Variants in FAM20B observed in about 807,000 individuals in gnomAD.
FAM20B encodes the protein FAM20B glycosaminoglycan xylosylkinase.
Under a neutral mutation model 43.8 loss-of-function variants are expected in FAM20B, and 23 were observed. That is an observed-to-expected ratio of 0.53 (90% CI 0.38 to 0.74). The LOEUF is 0.74. Among genes scored for constraint, FAM20B ranks in the 30% least tolerant of loss-of-function variants. FAM20B has a pLI of 0.00. For synonymous variants in FAM20B, 178 were observed against 192.4 expected (o/e 0.93, Z 0.62); for missense variants, 440 against 510.5 (o/e 0.86, Z 1.33).
In FAM20B at chr1:179,075,173, CAG is replaced by C. The variant is rs1652080828; in HGVS notation, c.*3032_*3033del. 1 of 149,618 alleles carries C rather than the reference CAG, an allele frequency of 6.7e-6. No homozygotes were observed. The highest frequency in any genetic ancestry group is 1.5e-5 in the Non-Finnish European group (1 of 67,668). The allele number at this position is 149,618 out of a possible 1,614,324, so 9.3% of individuals were successfully genotyped here. On this transcript the variant is annotated 3_prime_UTR_variant, in exon 8 of 8. Coordinates refer to ENST00000263733, the MANE Select transcript of FAM20B (RefSeq NM_014864.4). The stretch of plus-strand genomic sequence containing the variant: ...TGCTGCTGCACTCCAGCCTGGGAGA[CAG>C]AGCGAGACTCTGTCTTAAAAAAAAA...
At chr1:179,038,911 CAGAAA>C (rs1336693377) in intron 1 of FAM20B, among the ~76,000 whole-genome samples, 1 of 152,192 alleles carries the variant, frequency 6.6e-6, no homozygotes, top group African/African-American at 2.4e-5. Flanking sequence ...CCTTCATGAA[CAGAAA>C]AGGAGTGGTT....
chr1:179,026,678 G>A (rs1402274370), intron 1 of FAM20B, among the ~76,000 whole-genome samples: 2 of 152,200 alleles, frequency 1.3e-5, no homozygotes, highest in African/African-American at 4.8e-5. Flanking sequence ...CCGGGCGCTC[G>A]CAGAAGGGCA....
rs753736442 is a variant in FAM20B at position 179,064,362 on chromosome 1, T to C, written c.804T>C (p.Ser268=). The C allele has an allele frequency of 6.2e-7, 1 of 1,614,142 alleles. No homozygotes were observed. Among genetic ancestry groups the C allele is most frequent in the Non-Finnish European group, 8.5e-7 (1 of 1,179,986 alleles). Residue 268 remains serine, a synonymous_variant, in exon 6 of 8, where the codon TCT becomes TCC. Transcript: ENST00000263733. The part of the protein sequence containing the change: ...DAVKKTSPYD[S]GPRLLDIIDT... The stretch of plus-strand genomic sequence containing the variant: ...TGAAGAAAACGTCCCCTTATGACTC[T>C]GGCCCGCGCCTCTTGGACATCATTG...
At chr1:179,023,533 C>G (rs1404145455), upstream of FAM20B, among the ~76,000 whole-genome samples, 1 of 152,186 alleles carries the variant, frequency 6.6e-6, no homozygotes, top group African/African-American at 2.4e-5. Flanking sequence ...ACCAGGCTTT[C>G]TTCATCTCTG....
chr1:179,069,930 C>T (rs1651843994), intron 7 of FAM20B, among the ~76,000 whole-genome samples: 2 of 152,212 alleles, frequency 1.3e-5, no homozygotes, highest in African/African-American at 4.8e-5. Flanking sequence ...CCTTTACCCA[C>T]AGAGAGCTAA....
In FAM20B at chr1:179,073,749, A is replaced by G. The variant is rs1652027186; in HGVS notation, c.*1605A>G. The G allele has an allele frequency of 1.3e-5, 2 of 152,216 alleles. No individual in the cohort carries two copies. The highest frequency in any genetic ancestry group is 4.8e-5 in the African/African-American group (2 of 41,458). The allele number at this position is 152,216 out of a possible 1,614,324, so 9.4% of individuals were successfully genotyped here. The stretch of plus-strand genomic sequence containing the variant: ...TGGAGTTCTGAACCCATGATGTTGT[A>G]TTATGCTTCTTTCTCCTCTTAGCAC... On this transcript the variant is annotated 3_prime_UTR_variant, in exon 8 of 8. Coordinates refer to ENST00000263733, the MANE Select transcript of FAM20B (RefSeq NM_014864.4).
intron 6 of FAM20B, among the ~76,000 whole-genome samples, chr1:179,065,142 C>T (rs1477340985): frequency 6.6e-6 from 1 of 151,326 alleles, no homozygotes; most frequent in Non-Finnish European, 1.5e-5. Flanking sequence ...CGGTTTAGTG[C>T]CACACTTTTT....
At chr1:179,062,496 C>A (rs1651509995) in intron 4 of FAM20B, among the ~76,000 whole-genome samples, 1 of 151,576 alleles carries the variant, frequency 6.6e-6, no homozygotes, top group Non-Finnish European at 1.5e-5. Flanking sequence ...AATAAAAATA[C>A]AAAAACTAGC....
intron 4 of FAM20B, among the ~76,000 whole-genome samples, chr1:179,056,313 A>G (rs1311138709): frequency 6.6e-6 from 1 of 152,170 alleles, no homozygotes. Context: ...CCCTCTCTCC[A>G]ATCCCCTTGC....
intron 2 of FAM20B, among the ~76,000 whole-genome samples, chr1:179,044,552 G>A (rs917255148): frequency 2.6e-5 from 4 of 152,190 alleles, no homozygotes; most frequent in African/African-American, 9.7e-5. Flanking sequence ...ATCACAGAAT[G>A]TAAGCCCTTT....
chr1:179,040,335 G>A (rs1650434499), intron 1 of FAM20B, among the ~76,000 whole-genome samples: 1 of 151,280 alleles, frequency 6.6e-6, no homozygotes, highest in African/African-American at 2.4e-5. Context: ...CTCACCTCCT[G>A]GACGGGGTGG....
At chr1:179,029,258 C>T (rs1403319512) in intron 1 of FAM20B, among the ~76,000 whole-genome samples, 3 of 152,224 alleles carry the variant, frequency 2.0e-5, no homozygotes, top group African/African-American at 7.2e-5. Context: ...TCTACACCTA[C>T]ATATATCTTC....
chr1:179,049,643 C>T (rs1247381795), intron 2 of FAM20B, among the ~76,000 whole-genome samples: 5 of 152,162 alleles, frequency 3.3e-5, no homozygotes, highest in East Asian at 1.9e-4. Flanking sequence ...CAGGTTCAAG[C>T]GATTCTCCTG....
At chr1:179,036,845 G>A (rs1650252485) in intron 1 of FAM20B, among the ~76,000 whole-genome samples, 1 of 152,190 alleles carries the variant, frequency 6.6e-6, no homozygotes, top group South Asian at 2.1e-4. Context: ...AAGGAGGGAC[G>A]AAAAATTGCC....
chr1:179,041,341 G>A (rs1416033710), intron 1 of FAM20B, among the ~76,000 whole-genome samples: 1 of 152,138 alleles, frequency 6.6e-6, no homozygotes, highest in Non-Finnish European at 1.5e-5. Context: ...CCGAGATCAC[G>A]CCACTGCACT....
intron 1 of FAM20B, among the ~76,000 whole-genome samples, chr1:179,030,610 A>G (rs1265409178): frequency 1.1e-4 from 17 of 152,200 alleles, no homozygotes; most frequent in Admixed American, 1.1e-3. Flanking sequence ...TGCATCTTTT[A>G]TATACTGTAT....
intron 1 of FAM20B, among the ~76,000 whole-genome samples, chr1:179,041,417 G>A (rs1335302012): frequency 6.6e-6 from 1 of 152,108 alleles, no homozygotes; most frequent in Non-Finnish European, 1.5e-5. Context: ...ACGTCTGGAG[G>A]CCGAGGCTGG....
At position 179,063,406 on chromosome 1, in the gene FAM20B, C is replaced by T. The variant is rs895633836; in HGVS notation, c.575-521C>T. Among the ~76,000 whole-genome samples the T allele has an allele frequency of 9.9e-5, 15 of 151,970 alleles. 1 individual carries two copies. On this transcript the variant is annotated intron_variant, in intron 4 of 7. Transcript: ENST00000263733. ...TTTGAGCCCAGCCAGGCCAACATGG[C>T]GAAACCCCATCTCTACCAGGAAAAT... is the stretch of plus-strand genomic sequence containing the variant.
At chr1:179,026,253 C>T (rs1313872618) in intron 1 of FAM20B, among the ~76,000 whole-genome samples, 155 bp downstream of exon 1, 2 of 150,940 alleles carry the variant, frequency 1.3e-5, no homozygotes, top group Non-Finnish European at 1.5e-5. Context: ...GGCCGGGCAC[C>T]GGGTGCCCTG....
Sources: allele counts gnomAD v4.1 joint callset (sites outside exome capture counted in the v4.1 genomes callset), GRCh38; gene constraint gnomAD v4.1.1; transcripts MANE v1.5; gene names NCBI Gene and HGNC (gene_info 2026-07-23, HGNC 2026-07-21).